The following ACSBG1 variants were observed in gnomAD, a reference collection of about 807,000 sequenced individuals.
ACSBG1 encodes the protein acyl-CoA synthetase bubblegum family member 1.
A neutral mutation model predicts 80.2 loss-of-function variants in ACSBG1; 39 were observed. The observed-to-expected ratio is 0.49, with a 90% CI of 0.38 to 0.64. The LOEUF (loss-of-function observed/expected upper bound fraction) is 0.64, where lower values mean the gene tolerates loss of function less well. ACSBG1 is among the 30% of genes least tolerant of loss of function. ACSBG1 has a pLI of 0.00. For synonymous variants in ACSBG1, 392 were observed against 379.5 expected, an observed-to-expected ratio of 1.03 and a Z score of -0.38; for missense variants, 828 against 966.4, an observed-to-expected ratio of 0.86 and a Z score of 1.90.
chr15:78,224,753 A>G (rs1294723566), intron 1 of ACSBG1, among the ~76,000 whole-genome samples: 1 of 152,168 alleles, frequency 6.6e-6, no homozygotes, highest in Non-Finnish European at 1.5e-5. Context: ...GGCTAAAGAC[A>G]CTTGTCCCTG....
rs1444799701 is a variant in ACSBG1 at position 78,234,526 on chromosome 15, A to G, written c.-25T>C. ...TCTGCCTCGGGCTTCCACTGAAGAC[A>G]GCTCAGTCACCCACTGAGAGAGGCT... On this transcript the variant is annotated 5_prime_UTR_variant, in exon 1 of 14. Transcript: ENST00000258873. 16 of 1,572,024 alleles carry G rather than the reference A, an allele frequency of 1.0e-5. No homozygotes were observed. The highest frequency in any genetic ancestry group is 1.2e-5 in the Non-Finnish European group (14 of 1,157,842).
chr15:78,226,787 T>TATATATATATATATAATATATATA (rs1364878580), intron 1 of ACSBG1, among the ~76,000 whole-genome samples: 1,826 of 87,770 alleles, frequency 0.021, 40 homozygotes, highest in South Asian at 0.034. Context: ...CATAGAAAAA[T>TATATATATATATATAATATATATA]ATATATATAT....
intron 5 of ACSBG1, 150 bp downstream of exon 5, chr15:78,193,356 C>G (rs2075074043): frequency 2.6e-6 from 3 of 1,171,014 alleles, no homozygotes; most frequent in Non-Finnish European, 3.5e-6. Flanking sequence ...TAGCCGTTGC[C>G]CTGCCTTGCT....
rs761188177 is a variant in ACSBG1, at chr15:78,173,741, G to C, written c.1941C>G (p.Ser647=). Residue 647 remains serine (S), a synonymous_variant, in exon 13 of 14, where the codon TCC becomes TCG. Transcript: ENST00000258873. ...QRVGSRATTV[S]EIIEKKDEAV... is the part of the protein sequence containing the mutation. Reference sequence around the variant, plus strand: ...CCTCATCCTTCTTCTCTATGATCTCGGACACTGTGGTGGCTCTGCTGCCCA... The same window carrying C: ...CCTCATCCTTCTTCTCTATGATCTCCGACACTGTGGTGGCTCTGCTGCCCA... 2 of 1,614,138 alleles carry C rather than the reference G, an allele frequency of 1.2e-6. No individual in the cohort carries two copies. Among genetic ancestry groups the C allele is most frequent in the Non-Finnish European group, 1.7e-6 (2 of 1,180,038 alleles).
chr15:78,213,481 G>C (rs2075283707), intron 1 of ACSBG1: 1 of 152,312 alleles, frequency 6.6e-6, no homozygotes, highest in Non-Finnish European at 1.5e-5. Context: ...CAACCCCTCT[G>C]CTCCCTCAGC....
intron 1 of ACSBG1, chr15:78,212,814 C>T (rs1194324782): frequency 3.4e-6 from 1 of 296,686 alleles, no homozygotes; most frequent in African/African-American, 2.2e-5. Flanking sequence ...GACTCATCTG[C>T]TCCTGGGGTG....
At position 78,174,429 on chromosome 15, in the gene ACSBG1, T is replaced by A. The variant is rs1287658040; in HGVS notation, c.1798A>T (p.Ile600Phe). 1 of 1,614,178 alleles carries A rather than the reference T, an allele frequency of 6.2e-7. No homozygotes were observed. The highest frequency in any genetic ancestry group is 1.1e-5 in the South Asian group (1 of 91,084). The change falls in exon 12 of 14, where the codon ATT becomes TTT. Residue 600 changes from isoleucine to phenylalanine, a missense_variant. This residue lies in a region of ACSBG1 where 201 missense variants were observed against 227.0 expected (regional missense o/e 0.89). Coordinates refer to ENST00000258873, the MANE Select transcript of ACSBG1 (RefSeq NM_015162.5). ...ELPIISNAML[I>F]GDQRKFLSML... Reference sequence around the variant, plus strand: ...GACAGGAACTTCCTCTGGTCCCCAATGAGCATGGCGTTGCTGATGATGGGC... The same window carrying A: ...GACAGGAACTTCCTCTGGTCCCCAAAGAGCATGGCGTTGCTGATGATGGGC...
At chr15:78,171,632 T>A in intron 13 of ACSBG1, 103 bp from the exon 14 acceptor site, 2 of 939,200 alleles carry the variant, frequency 2.1e-6, no homozygotes, top group Non-Finnish European at 3.3e-6. Flanking sequence ...ACTCAGGAAT[T>A]AAGCCAGATA....
intron 5 of ACSBG1, among the ~76,000 whole-genome samples, chr15:78,189,969 TA>T (rs896322273): frequency 6.6e-6 from 1 of 150,816 alleles, no homozygotes; most frequent in Non-Finnish European, 1.5e-5. Context: ...TACAAATCTT[TA>T]AAAAAAAAGA....
intron 5 of ACSBG1, among the ~76,000 whole-genome samples, chr15:78,193,157 C>G (rs1005122437): frequency 1.3e-5 from 2 of 152,196 alleles, no homozygotes; most frequent in African/African-American, 2.4e-5. Context: ...AGCCACTCAC[C>G]TGCACATAAC....
intron 1 of ACSBG1, among the ~76,000 whole-genome samples, chr15:78,211,658 T>A (rs534558704): frequency 6.6e-6 from 1 of 152,102 alleles, no homozygotes; most frequent in Non-Finnish European, 1.5e-5. Context: ...TGATGTAAGA[T>A]GTGTGGGGGG....
chr15:78,226,266 T>C (rs2075399815), intron 1 of ACSBG1, among the ~76,000 whole-genome samples: 1 of 152,212 alleles, frequency 6.6e-6, no homozygotes, highest in Non-Finnish European at 1.5e-5. Flanking sequence ...TGCCATATTC[T>C]ATGTTAGAAA....
intron 1 of ACSBG1, among the ~76,000 whole-genome samples, chr15:78,221,972 T>C (rs936032134): frequency 3.9e-5 from 6 of 152,180 alleles, no homozygotes; most frequent in East Asian, 1.9e-4. Context: ...CAGATCAAAA[T>C]GGAGTTTCTT....
chr15:78,171,271 C>T lies in ACSBG1; in HGVS notation c.*173G>A, dbSNP rs2074817943. 3 of 519,708 alleles carry T rather than the reference C, an allele frequency of 5.8e-6. No individual in the cohort carries two copies. Among genetic ancestry groups the T allele is most frequent in the South Asian group, 2.9e-5 (1 of 34,788 alleles). The allele number at this position is 519,708 out of a possible 1,614,324, so 32.2% of individuals were successfully genotyped here. A position where few individuals can be genotyped will look rare whatever the true frequency, so the allele number is the denominator to read the frequency against. ...CACACGTGAAGCTTCTTGGAATTGT[C>T]AGCTATTGTTGGCGTAAGACCTGGT... is the stretch of plus-strand genomic sequence containing the variant. On this transcript the variant is annotated 3_prime_UTR_variant, in exon 14 of 14. Coordinates refer to ENST00000258873, the MANE Select transcript of ACSBG1 (RefSeq NM_015162.5).
chr15:78,216,632 C>T (rs2075314380), intron 1 of ACSBG1, among the ~76,000 whole-genome samples: 1 of 152,146 alleles, frequency 6.6e-6, no homozygotes, highest in Non-Finnish European at 1.5e-5. Context: ...ATATTTGGAG[C>T]AGGCACCCTG....
intron 2 of ACSBG1, among the ~76,000 whole-genome samples, chr15:78,196,213 G>A (rs1165802739): frequency 6.6e-6 from 1 of 152,230 alleles, no homozygotes; most frequent in African/African-American, 2.4e-5. Flanking sequence ...AGTGGCGTGA[G>A]TCAAGGGCCA....
rs147937124 is a variant in ACSBG1, at chr15:78,209,103, A to G, written c.132-1001T>C. 354 of 455,144 alleles carry G rather than the reference A, an allele frequency of 7.8e-4. 4 individuals carry two copies. The highest frequency in any genetic ancestry group is 4.3e-3 in the East Asian group (62 of 14,356). 28.2% of individuals were successfully genotyped at this position (455,144 alleles called of 1,614,324 possible). On this transcript the variant is annotated intron_variant, in intron 1 of 13. Coordinates refer to ENST00000258873, the MANE Select transcript of ACSBG1 (RefSeq NM_015162.5). ...CCTGTCTGTCAGTTAGGGTGGGGCT[A>G]GCCCCATCCCTGCCCAGTTCCCAGG... is the stretch of plus-strand genomic sequence containing the variant.
chr15:78,173,887 G>C lies in ACSBG1; in HGVS notation c.1843-48C>G, dbSNP rs766243042. ...AGGACCAAGCCTTACCCAACAAGAC[G>C]TAAGCCCTGGTCCTGGAGGAGGTCT... is the stretch of plus-strand genomic sequence containing the variant. On this transcript the variant is annotated intron_variant, in intron 12 of 13. Coordinates refer to ENST00000258873, the MANE Select transcript of ACSBG1 (RefSeq NM_015162.5). 3 of 1,585,666 alleles carry C rather than the reference G, an allele frequency of 1.9e-6. No individual in the cohort carries two copies. The East Asian group carries it at 6.7e-5, about 36-fold the overall frequency.
At chr15:78,180,668 G>A in intron 9 of ACSBG1, 87 bp downstream of exon 9, 1 of 1,516,856 alleles carries the variant, frequency 6.6e-7, no homozygotes, top group Non-Finnish European at 8.9e-7. Flanking sequence ...AACCGGGACA[G>A]GCATGGCGTA....
Sources: gnomAD v4.1 joint callset for allele counts (sites outside exome capture counted in the v4.1 genomes callset) on GRCh38, gnomAD v4.1.1 for gene constraint, gnomAD v4.1.1 regional missense constraint, MANE v1.5 for transcripts, NCBI Gene and HGNC (gene_info 2026-07-23, HGNC 2026-07-21) for gene names.